The following ROBO2 variants were observed in gnomAD, a reference collection of about 807,000 sequenced individuals.
ROBO2 encodes roundabout homolog 2.
ROBO2 carries 53 observed loss-of-function variants against 160.8 expected under a neutral mutation model. The observed-to-expected ratio is 0.33, with a 90% CI of 0.26 to 0.41. ROBO2 has a LOEUF of 0.41. Among genes scored for constraint, ROBO2 ranks in the 10% least tolerant of loss-of-function variants. The pLI, the probability that ROBO2 is intolerant of heterozygous loss-of-function variation, is 1.00. For missense variants in ROBO2, 1,577 were observed against 1,722.4 expected, an observed-to-expected ratio of 0.92 and a Z score of 1.49; for synonymous variants, 664 against 611.7, an observed-to-expected ratio of 1.09 and a Z score of -1.26.
chr3:76,235,611 A>C (rs549013311), intron 2 of ROBO2, among the ~76,000 whole-genome samples: 29 of 152,312 alleles, frequency 1.9e-4, no homozygotes, highest in African/African-American at 7.0e-4. Context: ...CAACTTAAAG[A>C]GACATAAAAA....
At chr3:76,324,045 A>G (rs775675659) in intron 2 of ROBO2, among the ~76,000 whole-genome samples, 3 of 152,208 alleles carry the variant, frequency 2.0e-5, no homozygotes, top group Non-Finnish European at 4.4e-5. Flanking sequence ...CTTCAATACA[A>G]TGATCTATCA....
chr3:76,351,576 C>T (rs544218327), intron 2 of ROBO2, among the ~76,000 whole-genome samples: 5 of 151,932 alleles, frequency 3.3e-5, no homozygotes, highest in South Asian at 2.1e-4. Context: ...CCATTTCCTG[C>T]CTCTACAGTA....
intron 2 of ROBO2, among the ~76,000 whole-genome samples, chr3:76,482,186 C>G (rs1320000491): frequency 6.6e-6 from 1 of 152,120 alleles, no homozygotes; most frequent in East Asian, 1.9e-4. Context: ...GCCTTTATTT[C>G]ATGTCATCTT....
chr3:77,393,904 T>C (rs1363470077), intron 2 of ROBO2, among the ~76,000 whole-genome samples: 1 of 152,128 alleles, frequency 6.6e-6, no homozygotes, highest in Non-Finnish European at 1.5e-5. Context: ...AACTAGACTT[T>C]ATCAAACTTA....
intron 2 of ROBO2, among the ~76,000 whole-genome samples, chr3:76,404,991 C>A (rs935825011): frequency 2.0e-5 from 3 of 151,564 alleles, no homozygotes; most frequent in Non-Finnish European, 3.0e-5. Context: ...GCTTAAAACT[C>A]TTCCCAGAGC....
intron 2 of ROBO2, among the ~76,000 whole-genome samples, chr3:76,851,563 G>T (rs895716996): frequency 6.7e-5 from 10 of 149,912 alleles, no homozygotes; most frequent in African/African-American, 2.5e-4. Flanking sequence ...GTGAAACCCC[G>T]TCTCTACTAA....
At chr3:77,316,924 G>T in intron 2 of ROBO2, 2 of 1,227,158 alleles carry the variant, frequency 1.6e-6, no homozygotes, top group Non-Finnish European at 2.4e-6. Context: ...ATGAGGGTCA[G>T]TCTGATACTT....
chr3:76,201,451 C>T (rs968062218), intron 2 of ROBO2, among the ~76,000 whole-genome samples: 14 of 152,018 alleles, frequency 9.2e-5, no homozygotes, highest in African/African-American at 3.1e-4. Flanking sequence ...TTTTAGAAAT[C>T]GAGAGATATT....
rs773392759 is a variant in ROBO2, at chr3:77,588,962, C to A, written c.2683+29C>A. ...AGTGACTATTTCCAGCTAAGAAAAT[C>A]TCTTGTCTGTAGGAATGTAATGAAA... is the stretch of plus-strand genomic sequence containing the variant. On this transcript the variant is annotated intron_variant, in intron 17 of 25. Transcript: ENST00000461745. 1.9e-5 allele frequency: 31 copies of A among 1,608,314 alleles called. No individual in the cohort carries two copies. In the South Asian group the frequency reaches 3.1e-4, roughly 16 times the overall value.
At chr3:77,286,749 A>G (rs992221136) in intron 2 of ROBO2, among the ~76,000 whole-genome samples, 1 of 152,156 alleles carries the variant, frequency 6.6e-6, no homozygotes, top group African/African-American at 2.4e-5. Flanking sequence ...TCACAGAACT[A>G]TATTGAATAA....
At chr3:77,146,989 A>ATGCG (rs2077173801) in intron 2 of ROBO2, among the ~76,000 whole-genome samples, 1 of 152,016 alleles carries the variant, frequency 6.6e-6, no homozygotes, top group South Asian at 2.1e-4. Flanking sequence ...ACAAAACAAA[A>ATGCG]CAAGAAAAAT....
chr3:77,468,901 C>T (rs142031921), intron 2 of ROBO2, among the ~76,000 whole-genome samples: 2 of 152,128 alleles, frequency 1.3e-5, no homozygotes, highest in East Asian at 1.9e-4. Context: ...GCTTGCACAG[C>T]GGCCCCCGGA....
chr3:76,591,150 C>T (rs1021666384), intron 2 of ROBO2, among the ~76,000 whole-genome samples: 1 of 151,980 alleles, frequency 6.6e-6, no homozygotes, highest in Non-Finnish European at 1.5e-5. Context: ...TGAATTAGCA[C>T]ATATTTTGTA....
chr3:76,301,098 T>A (rs1709333226), intron 2 of ROBO2, among the ~76,000 whole-genome samples: 1 of 152,036 alleles, frequency 6.6e-6, no homozygotes, highest in Non-Finnish European at 1.5e-5. Context: ...TATTGTTGTA[T>A]CAGATGTTAA....
At chr3:76,328,573 A>C (rs1386444581) in intron 2 of ROBO2, among the ~76,000 whole-genome samples, 3 of 151,984 alleles carry the variant, frequency 2.0e-5, no homozygotes, top group Middle Eastern at 3.4e-3. Context: ...AAACATACAA[A>C]AAATTATCCA....
At chr3:76,848,086 G>GA (rs923038349) in intron 2 of ROBO2, among the ~76,000 whole-genome samples, 2 of 151,958 alleles carry the variant, frequency 1.3e-5, no homozygotes, top group Non-Finnish European at 2.9e-5. Flanking sequence ...TCATCGTGTA[G>GA]AAAAAAACAC....
At chr3:76,138,514 C>T (rs1415048424) in intron 2 of ROBO2, among the ~76,000 whole-genome samples, 1 of 151,978 alleles carries the variant, frequency 6.6e-6, no homozygotes, top group African/African-American at 2.4e-5. Flanking sequence ...AACAGAATGG[C>T]ACATTAGCAT....
At chr3:77,222,169 C>G (rs1434386155) in intron 2 of ROBO2, among the ~76,000 whole-genome samples, 4 of 152,134 alleles carry the variant, frequency 2.6e-5, no homozygotes, top group Admixed American at 6.6e-5. Flanking sequence ...TCTCAATACA[C>G]TATCTTACTT....
At chr3:76,001,137 T>C (rs902518378) in intron 2 of ROBO2, among the ~76,000 whole-genome samples, 3 of 152,220 alleles carry the variant, frequency 2.0e-5, no homozygotes, top group Non-Finnish European at 4.4e-5. Flanking sequence ...TTCTTAAATG[T>C]TGGACAAAGT....
Sources: allele counts gnomAD v4.1 joint callset (sites outside exome capture counted in the v4.1 genomes callset), GRCh38; gene constraint gnomAD v4.1.1; transcripts MANE v1.5; gene names NCBI Gene and HGNC (gene_info 2026-07-23, HGNC 2026-07-21).